The following NDP variants were observed in gnomAD, a reference collection of about 807,000 sequenced individuals.
The protein encoded by NDP is norrin cystine knot growth factor NDP.
In NDP, 2 loss-of-function variants were observed where a neutral mutation model predicts 8.4. The ratio of observed to expected loss-of-function variants is 0.24; its 90% confidence interval spans 0.10 to 0.75. The LOEUF (loss-of-function observed/expected upper bound fraction) is 0.75. Among genes scored for constraint, NDP ranks in the 30% least tolerant of loss-of-function variants. NDP has a pLI of 0.73. For synonymous variants in NDP, 55 were observed against 45.6 expected (o/e 1.21, Z -0.83); for missense variants, 81 against 110.1 (o/e 0.74, Z 1.18).
At chrX:43,963,406 C>T (rs989769930) in intron 1 of NDP, among the ~76,000 whole-genome samples, 2 of 111,722 alleles carry the variant, frequency 1.8e-5, no homozygotes, top group Non-Finnish European at 3.8e-5. Flanking sequence ...TTCATTGCAT[C>T]ATTTCTAAGA....
chrX:43,964,360 G>C (rs927556893), intron 1 of NDP, among the ~76,000 whole-genome samples: 3 of 111,239 alleles, frequency 2.7e-5, no homozygotes, highest in African/African-American at 9.8e-5. Context: ...TGAAGGACTA[G>C]AAATATAAAT....
intron 1 of NDP, among the ~76,000 whole-genome samples, chrX:43,962,744 C>T (rs1322655478): frequency 2.7e-5 from 3 of 111,677 alleles, no homozygotes; most frequent in Non-Finnish European, 3.8e-5. Context: ...ACTTGGCCGA[C>T]GTACAGAGCC....
chrX:43,963,924 C>T (rs148593912), intron 1 of NDP, among the ~76,000 whole-genome samples: 3,526 of 112,744 alleles, frequency 0.031, 128 homozygotes, highest in African/African-American at 0.11. Context: ...CCAGAGGCAG[C>T]GGCACTGACT....
chrX:43,951,210 T>C (rs1180944646), intron 2 of NDP, among the ~76,000 whole-genome samples: 3 of 109,508 alleles, frequency 2.7e-5, no homozygotes, highest in African/African-American at 1.0e-4. Flanking sequence ...CCCAGGAGTT[T>C]GAGACCAGCC....
chrX:43,971,700 A>T (rs929006145), intron 1 of NDP, among the ~76,000 whole-genome samples: 3 of 112,246 alleles, frequency 2.7e-5, no homozygotes, highest in Non-Finnish European at 5.6e-5. Flanking sequence ...TTTAAAAAAA[A>T]ATTACAATAA....
intron 1 of NDP, 24 bp downstream of exon 1, chrX:43,973,280 G>A (rs1169437137): frequency 9.0e-6 from 1 of 111,711 alleles, no homozygotes; most frequent in Non-Finnish European, 1.9e-5. Context: ...TAGGCAAGCC[G>A]GCAGCGCTTG....
intron 2 of NDP, among the ~76,000 whole-genome samples, chrX:43,955,519 CACCAG>C (rs1156878856): frequency 4.4e-5 from 5 of 112,620 alleles, no homozygotes; most frequent in Non-Finnish European, 7.5e-5. Flanking sequence ...ATAGAGATTC[CACCAG>C]GCAGTCTGTT....
intron 1 of NDP, among the ~76,000 whole-genome samples, chrX:43,972,966 A>G (rs1403526640): frequency 8.9e-6 from 1 of 112,933 alleles, no homozygotes; most frequent in Non-Finnish European, 1.9e-5. Flanking sequence ...CATGTTGGCA[A>G]GTTGCTGCTT....
At chrX:43,970,136 A>G (rs1236901241) in intron 1 of NDP, among the ~76,000 whole-genome samples, 1 of 112,096 alleles carries the variant, frequency 8.9e-6, no homozygotes, top group Non-Finnish European at 1.9e-5. Flanking sequence ...AATATGTTCC[A>G]CAGTGTCATA....
chrX:43,967,732 T>TTAGAACAAC (rs2035866485), intron 1 of NDP, among the ~76,000 whole-genome samples: 1 of 111,505 alleles, frequency 9.0e-6, no homozygotes, highest in East Asian at 2.8e-4. Flanking sequence ...GGACTCCACG[T>TTAGAACAAC]TTAGGGCTGT....
chrX:43,969,279 C>T (rs1008261590), intron 1 of NDP, among the ~76,000 whole-genome samples: 3 of 111,883 alleles, frequency 2.7e-5, no homozygotes, highest in African/African-American at 9.7e-5. Context: ...TAAAGACATT[C>T]GGGTCTGTGC....
intron 2 of NDP, among the ~76,000 whole-genome samples, chrX:43,957,204 T>C (rs1369824413): frequency 2.7e-5 from 3 of 111,735 alleles, no homozygotes; most frequent in Non-Finnish European, 5.6e-5. Flanking sequence ...CAGTCAACCT[T>C]ACATGGGCCC....
intron 1 of NDP, among the ~76,000 whole-genome samples, chrX:43,965,525 G>C (rs5906306): frequency 0.33 from 36,368 of 110,443 alleles, 4,648 homozygotes; most frequent in African/African-American, 0.43. Flanking sequence ...AAAATTTGTG[G>C]GGTTTCTGTC....
chrX:43,960,443 C>A, intron 1 of NDP, among the ~76,000 whole-genome samples: 1 of 112,444 alleles, frequency 8.9e-6, no homozygotes, highest in Non-Finnish European at 1.9e-5. Flanking sequence ...TATTCCAGCA[C>A]AACTTTGCAC....
rs751138929 is a variant in NDP at position 43,969,157 on chromosome X, CAGAA to C, written c.-208+4143_-208+4146del. Among the ~76,000 whole-genome samples the C allele has an allele frequency of 5.7e-3, 635 of 111,485 alleles. 2 individuals carry two copies. The highest frequency in any genetic ancestry group is 9.5e-3 in the Non-Finnish European group (503 of 53,107). ...AAACTGTTGTTCTGCTCTTAAGAGACAGAAAGAAAGAAAGAAAAAATCCCGCCCC... is the reference window on the plus strand; with the variant it reads ...AAACTGTTGTTCTGCTCTTAAGAGACAGAAAGAAAGAAAAAATCCCGCCCC... On this transcript the variant is annotated intron_variant, in intron 1 of 2. Coordinates refer to ENST00000642620, the MANE Select transcript of NDP (RefSeq NM_000266.4).
At chrX:43,952,472 G>C (rs1439408443) in intron 2 of NDP, among the ~76,000 whole-genome samples, 1 of 112,183 alleles carries the variant, frequency 8.9e-6, no homozygotes, top group Non-Finnish European at 1.9e-5. Context: ...ACTTAACTCA[G>C]AAGGGCCAAC....
At chrX:43,965,302 C>T (rs769322547) in intron 1 of NDP, among the ~76,000 whole-genome samples, 1 of 110,450 alleles carries the variant, frequency 9.1e-6, no homozygotes, top group East Asian at 2.9e-4. Flanking sequence ...GCTTGTCATC[C>T]CAGCTACTTG....
intron 1 of NDP, among the ~76,000 whole-genome samples, chrX:43,970,847 G>A (rs1044391520): frequency 8.9e-6 from 1 of 111,968 alleles, no homozygotes; most frequent in Non-Finnish European, 1.9e-5. Flanking sequence ...TTTCCACAGG[G>A]TGCTCAGGAG....
chrX:43,968,779 C>G (rs1469944114), intron 1 of NDP, among the ~76,000 whole-genome samples: 8 of 112,387 alleles, frequency 7.1e-5, no homozygotes, highest in African/African-American at 2.6e-4. Context: ...ATATTAAAAC[C>G]CAAGAAGTGG....
Sources: allele counts gnomAD v4.1 joint callset (sites outside exome capture counted in the v4.1 genomes callset), GRCh38; gene constraint gnomAD v4.1.1; transcripts MANE v1.5; gene names NCBI Gene and HGNC (gene_info 2026-07-23, HGNC 2026-07-21).